The following CELF2 variants were observed in gnomAD, a reference collection of about 807,000 sequenced individuals.
CELF2 encodes the protein CUGBP Elav-like family member 2, also known as CUG triplet repeat RNA-binding protein 2.
A neutral mutation model predicts 62.6 loss-of-function variants in CELF2; 8 were observed. The observed-to-expected ratio is 0.13, with a 90% CI of 0.07 to 0.23. CELF2 has a LOEUF of 0.23. Ranked by LOEUF, CELF2 falls within the 10% of genes least tolerant of loss-of-function variation. The probability of loss-of-function intolerance (pLI) is 1.00; values close to 1 mark genes in which losing one functional copy is unlikely to be tolerated. For synonymous variants in CELF2, 258 were observed against 250.0 expected (o/e 1.03, Z -0.30); for missense variants, 333 against 671.0 (o/e 0.50, Z 5.56).
chr10:11,319,995 G>A lies in CELF2; in HGVS notation c.1097-1194G>A. Reference sequence around the variant, plus strand: ...ATTAGACTTCTTACCTATTTTTTCAGTTAGCCATCCTTGCTGTTTTCATAT... The same window carrying A: ...ATTAGACTTCTTACCTATTTTTTCAATTAGCCATCCTTGCTGTTTTCATAT... On this transcript the variant is annotated intron_variant, in intron 10 of 12. Coordinates refer to ENST00000633077, the MANE Select transcript of CELF2 (RefSeq NM_001326342.2). This position sits in a 1 kb window ranked among gnomAD's most constrained non-coding sequence, Gnocchi z 4.4. 2.6e-6 allele frequency: 1 copy of A among 378,406 alleles called. No homozygotes were observed. Among genetic ancestry groups the A allele is most frequent in the South Asian group, 2.0e-5 (1 of 51,194 alleles). The allele number at this position is 378,406 out of a possible 1,614,324, so 23.4% of individuals were successfully genotyped here. A position where few individuals can be genotyped will look rare whatever the true frequency, so the allele number is the denominator to read the frequency against.
Position 11,207,533 on chromosome 10 carries a change from A to G in CELF2, c.272-9892A>G, listed in dbSNP as rs1303229012. Among the ~76,000 whole-genome samples, 1 of 152,254 alleles carries G rather than the reference A, an allele frequency of 6.6e-6. No homozygotes were observed. The highest frequency in any genetic ancestry group is 1.5e-5 in the Non-Finnish European group (1 of 68,046). ...ATTTGCTGTCTGCGAGGAATCTTGC[A>G]GGGAAAGTGAGGAAGGATGTTGGTG... On this transcript the variant is annotated intron_variant, in intron 2 of 12. Transcript: ENST00000633077. This position sits in a 1 kb window ranked among gnomAD's most constrained non-coding sequence, Gnocchi z 4.1.
the CELF2 span, among the ~76,000 whole-genome samples, chr10:10,637,537 G>A: frequency 1.3e-5 from 2 of 152,276 alleles, no homozygotes; most frequent in Middle Eastern, 3.4e-3. Flanking sequence ...GAGCCTGGTA[G>A]CCATCATTCA....
intron 8 of CELF2, among the ~76,000 whole-genome samples, chr10:11,283,117 C>G (rs1490345517): frequency 6.6e-6 from 1 of 152,182 alleles, no homozygotes; most frequent in Non-Finnish European, 1.5e-5. Flanking sequence ...ATGAAAGCCT[C>G]ATGGGTCAGC....
intron 1 of CELF2, among the ~76,000 whole-genome samples, chr10:11,143,115 G>T (rs1339004811): frequency 6.6e-6 from 1 of 152,066 alleles, no homozygotes; most frequent in Non-Finnish European, 1.5e-5. Context: ...CTCCCCTCGT[G>T]CTTCTTCCTC....
At chr10:10,510,070 C>A in the CELF2 span, among the ~76,000 whole-genome samples, 1 of 152,212 alleles carries the variant, frequency 6.6e-6, no homozygotes, top group Non-Finnish European at 1.5e-5. Context: ...GCATTGCTAG[C>A]CCTGCTCCTT....
At chr10:10,845,604 T>G (rs1005503657) in intron 1 of CELF2, among the ~76,000 whole-genome samples, 1 of 152,192 alleles carries the variant, frequency 6.6e-6, no homozygotes, top group African/African-American at 2.4e-5. Context: ...CTCAGTATTA[T>G]CTGGTTAGGA....
At chr10:10,953,015 A>T (rs1008815681) in intron 2 of CELF2, among the ~76,000 whole-genome samples, 1 of 152,264 alleles carries the variant, frequency 6.6e-6, no homozygotes, top group African/African-American at 2.4e-5. Flanking sequence ...AAACACAGTC[A>T]TAAAAATGCC....
chr10:10,805,702 C>G (rs1160999956), intron 1 of CELF2, among the ~76,000 whole-genome samples: 1 of 152,006 alleles, frequency 6.6e-6, no homozygotes, highest in South Asian at 2.1e-4. Flanking sequence ...AGGTGGAGGC[C>G]TAGTTGAGAA....
At chr10:11,233,907 G>C (rs1157301631) in intron 3 of CELF2, among the ~76,000 whole-genome samples, 1 of 152,216 alleles carries the variant, frequency 6.6e-6, no homozygotes, top group African/African-American at 2.4e-5. Context: ...GAATGGGAGA[G>C]GTGGGTGTGC....
At position 11,270,187 on chromosome 10, in the gene CELF2, A is replaced by C. The variant is rs1163432504; in HGVS notation, c.619-479A>C. ...CCCAAAGTTCACAGATACATAACTG[A>C]AAACGGGAAAGAGTAAAAGATAAAT... On this transcript the variant is annotated intron_variant, in intron 6 of 12. Coordinates refer to ENST00000633077, the MANE Select transcript of CELF2 (RefSeq NM_001326342.2). This position sits in a 1 kb window ranked among gnomAD's most constrained non-coding sequence, Gnocchi z 5.8. Among the ~76,000 whole-genome samples, 3 of 152,256 alleles carry C rather than the reference A, an allele frequency of 2.0e-5. No individual in the cohort carries two copies. Among genetic ancestry groups the C allele is most frequent in the African/African-American group, 7.2e-5 (3 of 41,460 alleles).
the CELF2 span, among the ~76,000 whole-genome samples, chr10:10,543,758 T>TCAACAACAACAA: frequency 0.011 from 1,686 of 151,204 alleles, 24 homozygotes; most frequent in African/African-American, 0.035. Flanking sequence ...AAACTCCATT[T>TCAACAACAACAA]CAACAACAAC....
intron 2 of CELF2, among the ~76,000 whole-genome samples, chr10:11,174,405 T>G (rs775023434): frequency 6.6e-6 from 1 of 152,226 alleles, no homozygotes; most frequent in Non-Finnish European, 1.5e-5. Context: ...AATTGGTATT[T>G]TGGATCAGTA....
At chr10:11,044,057 C>A (rs1424360341) in intron 1 of CELF2, among the ~76,000 whole-genome samples, 1 of 152,202 alleles carries the variant, frequency 6.6e-6, no homozygotes, top group Admixed American at 6.5e-5. Flanking sequence ...GTGGGCACGG[C>A]CTTTGCGTCT....
chr10:10,618,738 GAC>G, the CELF2 span, among the ~76,000 whole-genome samples: 1 of 152,028 alleles, frequency 6.6e-6, no homozygotes, highest in Admixed American at 6.5e-5. Context: ...GGAAATCAAA[GAC>G]ACAGACACAC....
intron 2 of CELF2, among the ~76,000 whole-genome samples, chr10:10,933,723 C>A (rs1380962934): frequency 6.6e-6 from 1 of 152,020 alleles, no homozygotes; most frequent in African/African-American, 2.4e-5. Context: ...TGGCTTATTT[C>A]ACTTAACATA....
At chr10:11,259,441 A>AT (rs1451622796) in intron 5 of CELF2, among the ~76,000 whole-genome samples, 2 of 152,058 alleles carry the variant, frequency 1.3e-5, no homozygotes, top group East Asian at 3.9e-4. Context: ...AAAAAAAAAA[A>AT]AAAAAGGCGG....
intron 9 of CELF2, among the ~76,000 whole-genome samples, chr10:11,299,669 G>C (rs12570164): frequency 0.24 from 36,143 of 152,114 alleles, 5,193 homozygotes; most frequent in East Asian, 0.59. Flanking sequence ...TCAGTGGTTT[G>C]CCCGGGATGT....
chr10:10,894,416 C>T (rs2062390850), intron 1 of CELF2, among the ~76,000 whole-genome samples: 1 of 152,192 alleles, frequency 6.6e-6, no homozygotes, highest in Admixed American at 6.5e-5. Flanking sequence ...GTAGCCTGAC[C>T]ATATCATGAG....
intron 1 of CELF2, among the ~76,000 whole-genome samples, chr10:10,827,314 AT>A (rs1472968190): frequency 6.6e-6 from 1 of 152,126 alleles, no homozygotes; most frequent in Non-Finnish European, 1.5e-5. Flanking sequence ...GTCCTCTCTC[AT>A]TTTATTAACT....
Sources: gnomAD v4.1 joint callset for allele counts (sites outside exome capture counted in the v4.1 genomes callset) on GRCh38, gnomAD v4.1.1 for gene constraint, Gnocchi (gnomAD v3.1) non-coding constraint, MANE v1.5 for transcripts, NCBI Gene and HGNC (gene_info 2026-07-23, HGNC 2026-07-21) for gene names.